The following AGBL4 variants were observed in gnomAD, a reference collection of about 807,000 sequenced individuals.
AGBL4 encodes the protein AGBL carboxypeptidase 4.
Under a neutral mutation model 66.4 loss-of-function variants are expected in AGBL4, and 58 were observed. That is an observed-to-expected ratio of 0.87 (90% CI 0.71 to 1.09). AGBL4 has a LOEUF of 1.09. Ranked by LOEUF, AGBL4 falls within the 50% of genes least tolerant of loss-of-function variation. The probability of loss-of-function intolerance (pLI) is 0.00; values close to 1 mark genes in which losing one functional copy is unlikely to be tolerated. For synonymous variants in AGBL4, 234 were observed against 222.9 expected (o/e 1.05, Z -0.44); for missense variants, 579 against 631.0 (o/e 0.92, Z 0.88).
chr1:49,402,208 T>C (rs1215775936), intron 3 of AGBL4, among the ~76,000 whole-genome samples: 1 of 152,216 alleles, frequency 6.6e-6, no homozygotes, highest in Non-Finnish European at 1.5e-5. Flanking sequence ...ATTCCTTTTC[T>C]TTTAATAATG....
At chr1:48,638,549 A>G (rs150746330) in intron 8 of AGBL4, among the ~76,000 whole-genome samples, 23 of 152,332 alleles carry the variant, frequency 1.5e-4, no homozygotes, top group African/African-American at 3.8e-4. Context: ...GGCACTGTTG[A>G]AATTGTCTAA....
At chr1:48,715,879 T>C (rs931616724) in intron 6 of AGBL4, among the ~76,000 whole-genome samples, 3 of 152,152 alleles carry the variant, frequency 2.0e-5, no homozygotes, top group Admixed American at 1.3e-4. Context: ...CCTCTACTCT[T>C]TTTTTCCTAG....
At chr1:49,665,078 T>C (rs116531240) in intron 3 of AGBL4, among the ~76,000 whole-genome samples, 178 of 152,302 alleles carry the variant, frequency 1.2e-3, no homozygotes, top group Non-Finnish European at 2.1e-3. Context: ...CACAACCTAT[T>C]GTTTGAAATA....
At chr1:48,766,595 G>A (rs1644543283) in intron 6 of AGBL4, among the ~76,000 whole-genome samples, 1 of 152,216 alleles carries the variant, frequency 6.6e-6, no homozygotes, top group African/African-American at 2.4e-5. Flanking sequence ...TGGCTGAATA[G>A]TCCAGGAAGC....
At position 49,245,814 on chromosome 1, in the gene AGBL4, TC is replaced by T. The variant is rs1651596773; in HGVS notation, c.332del (p.Arg111LysfsTer8). On this transcript the variant is annotated frameshift_variant, in exon 4 of 14. Transcript: ENST00000371839. LOFTEE classifies it high-confidence loss of function. Reference protein sequence around the residue: ...VNFSKTKSLYRDGMAPMVKST... With the variant: ...VNFSKTKSLYXDGMAPMVKST... ...ATTTCACCATAGGGGCCATCCCATC[TC>T]TATAGAGACTCTTGGTTTTACTGAA... is the stretch of plus-strand genomic sequence containing the variant. The T allele has an allele frequency of 6.5e-7, 1 of 1,549,788 alleles. No homozygotes were observed. The highest frequency in any genetic ancestry group is 1.4e-5 in the African/African-American group (1 of 72,962).
At chr1:49,479,413 C>T (rs1007440784) in intron 3 of AGBL4, among the ~76,000 whole-genome samples, 1 of 151,730 alleles carries the variant, frequency 6.6e-6, no homozygotes, top group African/African-American at 2.4e-5. Context: ...CGGTGTTAAG[C>T]CTAATACTGA....
intron 2 of AGBL4, among the ~76,000 whole-genome samples, chr1:49,719,579 G>T (rs1403357513): frequency 6.6e-6 from 1 of 152,112 alleles, no homozygotes; most frequent in Non-Finnish European, 1.5e-5. Flanking sequence ...CTGTATTGTG[G>T]TCTGTATGTT....
intron 11 of AGBL4, among the ~76,000 whole-genome samples, chr1:48,553,343 C>A (rs1406336384): frequency 6.6e-6 from 1 of 152,146 alleles, no homozygotes; most frequent in Non-Finnish European, 1.5e-5. Context: ...GAAGCTTCAA[C>A]TGGATGCACA....
intron 4 of AGBL4, among the ~76,000 whole-genome samples, chr1:49,076,313 T>A (rs1384313360): frequency 2.0e-5 from 3 of 152,228 alleles, no homozygotes; most frequent in Admixed American, 2.0e-4. Context: ...CTATATATTT[T>A]AAATCATTTC....
At chr1:49,044,706 T>C (rs758785003) in intron 5 of AGBL4, among the ~76,000 whole-genome samples, 2 of 152,062 alleles carry the variant, frequency 1.3e-5, no homozygotes, top group Non-Finnish European at 2.9e-5. Flanking sequence ...GGGATCCTTA[T>C]AAGTGAAAGA....
chr1:48,583,530 A>T (rs1420403003), intron 11 of AGBL4, among the ~76,000 whole-genome samples: 1 of 152,198 alleles, frequency 6.6e-6, no homozygotes, highest in African/African-American at 2.4e-5. Context: ...ATAATACCAC[A>T]TCTATACTTT....
At chr1:49,216,144 C>G (rs1258307069) in intron 4 of AGBL4, among the ~76,000 whole-genome samples, 2 of 152,128 alleles carry the variant, frequency 1.3e-5, no homozygotes, top group Admixed American at 6.6e-5. Flanking sequence ...ACAGTACAAT[C>G]TGGAAAGTGC....
intron 1 of AGBL4, among the ~76,000 whole-genome samples, chr1:49,983,743 G>C (rs373000838): frequency 6.6e-6 from 1 of 152,174 alleles, no homozygotes; most frequent in Non-Finnish European, 1.5e-5. Context: ...ACTTGCAGAA[G>C]TTCATAAAGA....
At chr1:48,753,586 C>T (rs1652082848) in intron 6 of AGBL4, among the ~76,000 whole-genome samples, 1 of 152,202 alleles carries the variant, frequency 6.6e-6, no homozygotes, top group Non-Finnish European at 1.5e-5. Context: ...ATTAGTGATC[C>T]AGCTCTAAAA....
At chr1:49,834,493 C>G (rs1324361273) in intron 2 of AGBL4, among the ~76,000 whole-genome samples, 1 of 152,114 alleles carries the variant, frequency 6.6e-6, no homozygotes, top group African/African-American at 2.4e-5. Context: ...ATTAGTCTGG[C>G]TAGATGTCTA....
intron 6 of AGBL4, among the ~76,000 whole-genome samples, chr1:48,763,476 G>C (rs1029994165): frequency 3.3e-5 from 5 of 152,146 alleles, no homozygotes; most frequent in Admixed American, 2.0e-4. Context: ...TTTTTTGTGT[G>C]TGTGTATGTG....
intron 6 of AGBL4, among the ~76,000 whole-genome samples, chr1:48,765,749 G>A (rs1161159757): frequency 6.6e-6 from 1 of 152,156 alleles, no homozygotes; most frequent in Non-Finnish European, 1.5e-5. Flanking sequence ...AAGAAATGAT[G>A]TACTGACTCA....
chr1:48,662,582 A>G (rs1325832954), intron 7 of AGBL4, among the ~76,000 whole-genome samples: 3 of 152,212 alleles, frequency 2.0e-5, no homozygotes, highest in Non-Finnish European at 4.4e-5. Context: ...TATGGGTGAA[A>G]TATGTAATAA....
chr1:49,367,665 A>AT (rs1285988881), intron 3 of AGBL4, among the ~76,000 whole-genome samples: 1 of 152,212 alleles, frequency 6.6e-6, no homozygotes, highest in Non-Finnish European at 1.5e-5. Context: ...TGGTCAATGA[A>AT]TTGTACTGAC....
Sources: allele counts gnomAD v4.1 joint callset (sites outside exome capture counted in the v4.1 genomes callset), GRCh38; gene constraint gnomAD v4.1.1; transcripts MANE v1.5; gene names NCBI Gene and HGNC (gene_info 2026-07-23, HGNC 2026-07-21).